Variants in ETV6 observed in about 807,000 individuals in gnomAD.
ETV6 encodes the protein transcription factor ETV6.
Under a neutral mutation model 51.1 loss-of-function variants are expected in ETV6, and 16 were observed. The observed-to-expected ratio is 0.31, with a 90% CI of 0.21 to 0.48. The LOEUF (loss-of-function observed/expected upper bound fraction) is 0.48, where lower values mean the gene tolerates loss of function less well. ETV6 is among the 20% of genes least tolerant of loss of function. ETV6 has a pLI of 0.99. For synonymous variants in ETV6, 240 were observed against 224.1 expected (o/e 1.07, Z -0.64); for missense variants, 458 against 594.8 (o/e 0.77, Z 2.39).
At chr12:11,654,273 A>G (rs1347263210) in intron 1 of ETV6, among the ~76,000 whole-genome samples, 1 of 152,210 alleles carries the variant, frequency 6.6e-6, no homozygotes, top group Non-Finnish European at 1.5e-5. Flanking sequence ...TTCTGACAAT[A>G]GAATCAGGGA....
intron 1 of ETV6, among the ~76,000 whole-genome samples, chr12:11,689,379 A>G (rs1367219034): frequency 6.6e-6 from 1 of 152,190 alleles, no homozygotes; most frequent in East Asian, 1.9e-4. Context: ...CTGCTTCTCT[A>G]GGCGTCGTTT....
intron 2 of ETV6, among the ~76,000 whole-genome samples, chr12:11,808,396 C>T (rs1244271802): frequency 2.6e-5 from 4 of 151,452 alleles, no homozygotes; most frequent in South Asian, 4.2e-4. Context: ...GTTGCACATC[C>T]GTGATTCCAT....
At chr12:11,766,887 G>A (rs1565518256) in intron 2 of ETV6, among the ~76,000 whole-genome samples, 1 of 152,276 alleles carries the variant, frequency 6.6e-6, no homozygotes. Context: ...TTGCTTTGTT[G>A]AAGGAAATAG....
intron 4 of ETV6, among the ~76,000 whole-genome samples, chr12:11,867,788 A>G (rs1001241330): frequency 6.6e-6 from 1 of 152,246 alleles, no homozygotes; most frequent in African/African-American, 2.4e-5. Flanking sequence ...GACAGCAAGC[A>G]TGCACATCCT....
At chr12:11,740,863 G>A (rs1325487249) in intron 1 of ETV6, among the ~76,000 whole-genome samples, 1 of 152,178 alleles carries the variant, frequency 6.6e-6, no homozygotes, top group African/African-American at 2.4e-5. Flanking sequence ...ACAACATTGG[G>A]TTTAGGACTG....
At chr12:11,886,556 A>AAAATGTTGTTCCAGGTGT (rs1565568499) in intron 7 of ETV6, among the ~76,000 whole-genome samples, 1 of 152,156 alleles carries the variant, frequency 6.6e-6, no homozygotes, top group Non-Finnish European at 1.5e-5. Flanking sequence ...TTGATTCATG[A>AAAATGTTGTTCCAGGTGT]AAATGTTGTT....
At chr12:11,720,326 A>T (rs528263705) in intron 1 of ETV6, among the ~76,000 whole-genome samples, 1 of 152,224 alleles carries the variant, frequency 6.6e-6, no homozygotes, top group Admixed American at 6.5e-5. Flanking sequence ...TAAACAGCAC[A>T]GTTTTTAGGG....
intron 1 of ETV6, among the ~76,000 whole-genome samples, chr12:11,667,453 G>T (rs1864215369): frequency 6.6e-6 from 1 of 152,090 alleles, no homozygotes; most frequent in African/African-American, 2.4e-5. Flanking sequence ...ATCTAATCTG[G>T]AGACTATCCG....
At chr12:11,766,618 C>G (rs1945165467) in intron 2 of ETV6, among the ~76,000 whole-genome samples, 1 of 152,210 alleles carries the variant, frequency 6.6e-6, no homozygotes, top group Admixed American at 6.5e-5. Context: ...GTTTCTTGCT[C>G]CCTTGCTTTG....
rs60860142 is a variant in ETV6, at chr12:11,721,591, G to A, written c.34-30859G>A. ...TGGACTACTAGAGGGAGGAGCGGGA[G>A]GGGGTTAATGAGTCAGAAACTACCT... On this transcript the variant is annotated intron_variant, in intron 1 of 7. Coordinates refer to ENST00000396373, the MANE Select transcript of ETV6 (RefSeq NM_001987.5). Among the ~76,000 whole-genome samples the A allele has an allele frequency of 1.4e-3, 211 of 152,284 alleles. 2 individuals carry two copies. The highest frequency in any genetic ancestry group is 4.8e-3 in the African/African-American group (201 of 41,548).
chr12:11,891,649 T>A lies in ETV6; in HGVS notation c.*603T>A, dbSNP rs566344470. On this transcript the variant is annotated 3_prime_UTR_variant, in exon 8 of 8. Coordinates refer to ENST00000396373, the MANE Select transcript of ETV6 (RefSeq NM_001987.5). ...AGATAAAATGAAAAGGAGAGCTCTCTTTTTCTCTCTCTTGCTCTGTTCTTC... is the reference window on the plus strand; with the variant it reads ...AGATAAAATGAAAAGGAGAGCTCTCATTTTCTCTCTCTTGCTCTGTTCTTC... 3.5e-4 allele frequency: 186 copies of A among 526,784 alleles called. 3 individuals carry two copies. Among genetic ancestry groups the A allele is most frequent in the South Asian group, 2.9e-3 (184 of 63,056 alleles). The allele number at this position is 526,784 out of a possible 1,614,324, so 32.6% of individuals were successfully genotyped here. A position where few individuals can be genotyped will look rare whatever the true frequency, so the allele number is the denominator to read the frequency against.
At chr12:11,757,059 A>G (rs528197872) in intron 2 of ETV6, among the ~76,000 whole-genome samples, 9 of 152,266 alleles carry the variant, frequency 5.9e-5, no homozygotes, top group Admixed American at 3.9e-4. Context: ...CATATTTAAT[A>G]GGGTTAGGGT....
At chr12:11,703,409 G>A (rs1055921015) in intron 1 of ETV6, among the ~76,000 whole-genome samples, 1 of 151,948 alleles carries the variant, frequency 6.6e-6, no homozygotes, top group African/African-American at 2.4e-5. Context: ...TTGGAACATG[G>A]GTTTTCAAAG....
chr12:11,674,452 C>T (rs1396200257), intron 1 of ETV6, among the ~76,000 whole-genome samples: 3 of 151,838 alleles, frequency 2.0e-5, no homozygotes, highest in African/African-American at 7.3e-5. Flanking sequence ...GTCATAGAGT[C>T]CCTGCCCTCG....
chr12:11,725,163 T>G (rs1250978133), intron 1 of ETV6, among the ~76,000 whole-genome samples: 6 of 48,082 alleles, frequency 1.2e-4, no homozygotes, highest in Non-Finnish European at 2.1e-4. Flanking sequence ...TTTTAGCTGT[T>G]TTTTTTTTTT....
intron 2 of ETV6, among the ~76,000 whole-genome samples, chr12:11,814,850 C>T (rs940549707): frequency 3.3e-5 from 5 of 152,176 alleles, no homozygotes; most frequent in African/African-American, 9.7e-5. Flanking sequence ...CCCCTCTTTT[C>T]GCCTGCTTCT....
At chr12:11,751,881 G>A in intron 1 of ETV6, 1 of 505,270 alleles carries the variant, frequency 2.0e-6, no homozygotes, top group South Asian at 1.5e-5. Context: ...TGGTTGTGGT[G>A]GTTGTATAGT....
At chr12:11,752,376 A>T (rs954053344) in intron 1 of ETV6, 74 bp from the exon 2 acceptor site, 60 of 1,526,722 alleles carry the variant, frequency 3.9e-5, no homozygotes, top group Non-Finnish European at 4.7e-5. Context: ...CCACCCCGAG[A>T]TGGTCTCATA....
At chr12:11,700,772 T>G (rs2954982) in intron 1 of ETV6, among the ~76,000 whole-genome samples, 147,461 of 152,206 alleles carry the variant, frequency 0.97, 71,577 homozygotes, top group South Asian at 1. Context: ...GGGCTTGGTC[T>G]TGCTGTCTCA....
Sources: gnomAD v4.1 joint callset for allele counts (sites outside exome capture counted in the v4.1 genomes callset) on GRCh38, gnomAD v4.1.1 for gene constraint, MANE v1.5 for transcripts, NCBI Gene and HGNC (gene_info 2026-07-23, HGNC 2026-07-21) for gene names.